Variants in LDLRAD4 observed in about 807,000 individuals in gnomAD.
LDLRAD4 encodes low-density lipoprotein receptor class A domain-containing protein 4.
In LDLRAD4, 5 loss-of-function variants were observed where a neutral mutation model predicts 17.0. The ratio of observed to expected loss-of-function variants is 0.29; its 90% CI spans 0.15 to 0.62. The LOEUF is 0.62. Among genes scored for constraint, LDLRAD4 ranks in the 20% least tolerant of loss-of-function variants. The probability of loss-of-function intolerance (pLI) is 0.84; values close to 1 mark genes in which losing one functional copy is unlikely to be tolerated. For missense variants in LDLRAD4, 340 were observed against 424.7 expected, an observed-to-expected ratio of 0.80 and a Z score of 1.75; for synonymous variants, 168 against 171.8, an observed-to-expected ratio of 0.98 and a Z score of 0.17.
chr18:13,345,580 G>T (rs1054355808), intron 1 of LDLRAD4, among the ~76,000 whole-genome samples: 5 of 152,196 alleles, frequency 3.3e-5, no homozygotes, highest in Admixed American at 3.3e-4. Flanking sequence ...TTGGTATCAG[G>T]ATGATGCTGG....
At chr18:13,303,537 G>A (rs1233352334) in intron 1 of LDLRAD4, among the ~76,000 whole-genome samples, 1 of 151,594 alleles carries the variant, frequency 6.6e-6, no homozygotes, top group African/African-American at 2.4e-5. Flanking sequence ...TCGTTATGTT[G>A]CCTGGGCTGG....
At chr18:13,336,799 C>T (rs1255283368) in intron 1 of LDLRAD4, among the ~76,000 whole-genome samples, 1 of 151,472 alleles carries the variant, frequency 6.6e-6, no homozygotes, top group Non-Finnish European at 1.5e-5. Context: ...TGTCTTCCTC[C>T]CCCTCTCTCT....
intron 1 of LDLRAD4, among the ~76,000 whole-genome samples, chr18:13,266,682 G>A (rs948611015): frequency 3.3e-5 from 5 of 152,258 alleles, no homozygotes; most frequent in Non-Finnish European, 5.9e-5. Context: ...TGGCTTCTCC[G>A]TGGAGGAGAG....
chr18:13,636,591 G>T lies in LDLRAD4; in HGVS notation c.337-6768G>T, dbSNP rs541982459. Among the ~76,000 whole-genome samples the T allele has an allele frequency of 3.9e-3, 588 of 152,266 alleles. 2 individuals carry two copies. Among genetic ancestry groups the T allele is most frequent in the Non-Finnish European group, 6.0e-3 (408 of 68,012 alleles). On this transcript the variant is annotated intron_variant, in intron 4 of 5. Transcript: ENST00000359446. ...GCTCACTACAACCTCGGCCTCCCAG[G>T]TTCAAACAATTCTCCTGCCTCAGCC... is the stretch of plus-strand genomic sequence containing the variant.
At chr18:13,223,553 C>T (rs1197037467) in intron 1 of LDLRAD4, among the ~76,000 whole-genome samples, 1 of 152,200 alleles carries the variant, frequency 6.6e-6, no homozygotes, top group East Asian at 1.9e-4. Context: ...GGCCAGCAAC[C>T]TGTGCACAGA....
At chr18:13,226,180 C>CTTTTTTTTT (rs71174166) in intron 1 of LDLRAD4, among the ~76,000 whole-genome samples, 19,744 of 51,320 alleles carry the variant, frequency 0.38, 7,504 homozygotes, top group Non-Finnish European at 0.47. Flanking sequence ...CCATGCCTTG[C>CTTTTTTTTT]TTTTTTTTTT....
At chr18:13,498,752 C>A (rs1269254713) in intron 3 of LDLRAD4, among the ~76,000 whole-genome samples, 2 of 151,000 alleles carry the variant, frequency 1.3e-5, no homozygotes, top group African/African-American at 4.9e-5. Context: ...TCCTTCTGCC[C>A]ACACACATCC....
At chr18:13,610,780 G>C (rs1164645918) in intron 3 of LDLRAD4, among the ~76,000 whole-genome samples, 1 of 152,160 alleles carries the variant, frequency 6.6e-6, no homozygotes, top group Non-Finnish European at 1.5e-5. Context: ...AGTGGCTGCA[G>C]CTTCTAATTC....
chr18:13,542,738 T>C (rs2094303459), intron 3 of LDLRAD4, among the ~76,000 whole-genome samples: 1 of 152,206 alleles, frequency 6.6e-6, no homozygotes, highest in African/African-American at 2.4e-5. Flanking sequence ...GTTTTTCTTT[T>C]GGGTCCTTGG....
intron 3 of LDLRAD4, among the ~76,000 whole-genome samples, chr18:13,541,281 C>T (rs9954507): frequency 0.051 from 7,782 of 152,274 alleles, 652 homozygotes; most frequent in African/African-American, 0.18. Flanking sequence ...AATGCGTGGT[C>T]CACTTTAAGT....
intron 1 of LDLRAD4, among the ~76,000 whole-genome samples, chr18:13,386,492 C>T (rs926448916): frequency 6.6e-6 from 1 of 151,966 alleles, no homozygotes; most frequent in African/African-American, 2.4e-5. Flanking sequence ...CTCAGCCTCC[C>T]GAGTAGCTGG....
In LDLRAD4 at chr18:13,510,652, T is replaced by C. The variant is rs575102069; in HGVS notation, c.181+72268T>C. On this transcript the variant is annotated intron_variant, in intron 3 of 5. Transcript: ENST00000359446. ...CCACCCAAGTGATTAAAACCACTTA[T>C]ACCCCAAAAGTATTGAAATAAAAAA... 2.0e-5 allele frequency among the ~76,000 whole-genome samples: 3 copies of C among 152,282 alleles called. No homozygotes were observed. In the South Asian group the frequency reaches 6.2e-4, roughly 32 times the overall value.
chr18:13,260,303 C>A (rs1353904998), intron 1 of LDLRAD4, among the ~76,000 whole-genome samples: 7 of 152,238 alleles, frequency 4.6e-5, no homozygotes, highest in Non-Finnish European at 1.0e-4. Context: ...TTCCCTTCCA[C>A]TCACTGCTGG....
chr18:13,255,197 C>T (rs527741529), intron 1 of LDLRAD4, among the ~76,000 whole-genome samples: 2 of 152,328 alleles, frequency 1.3e-5, no homozygotes, highest in African/African-American at 2.4e-5. Context: ...GATGCCCGCC[C>T]CCCCCAGCCC....
chr18:13,230,153 C>G (rs777495049), intron 1 of LDLRAD4, among the ~76,000 whole-genome samples: 2 of 152,172 alleles, frequency 1.3e-5, no homozygotes, highest in Non-Finnish European at 2.9e-5. Context: ...TTCCACCACT[C>G]GAGGACTCAC....
intron 3 of LDLRAD4, among the ~76,000 whole-genome samples, chr18:13,587,841 G>T (rs976053073): frequency 2.0e-5 from 3 of 152,318 alleles, no homozygotes; most frequent in East Asian, 1.9e-4. Context: ...TCTACAAAAA[G>T]GGGGGAGGTC....
intron 3 of LDLRAD4, among the ~76,000 whole-genome samples, chr18:13,445,248 T>G (rs2091305783): frequency 6.6e-6 from 1 of 152,162 alleles, no homozygotes; most frequent in South Asian, 2.1e-4. Flanking sequence ...GGTGTGAGTC[T>G]GTGTGTGTAT....
chr18:13,299,054 A>T (rs1158169873), intron 1 of LDLRAD4, among the ~76,000 whole-genome samples: 2 of 152,250 alleles, frequency 1.3e-5, no homozygotes, highest in African/African-American at 2.4e-5. Context: ...TAACAAAAAA[A>T]GGAAGAGGTG....
At chr18:13,568,070 G>A (rs1319803451) in intron 3 of LDLRAD4, among the ~76,000 whole-genome samples, 1 of 151,698 alleles carries the variant, frequency 6.6e-6, no homozygotes, top group Non-Finnish European at 1.5e-5. Context: ...GGGGGTGGGG[G>A]GATCACCTGA....
Sources: allele counts gnomAD v4.1 joint callset (sites outside exome capture counted in the v4.1 genomes callset), GRCh38; gene constraint gnomAD v4.1.1; transcripts MANE v1.5; gene names NCBI Gene and HGNC (gene_info 2026-07-23, HGNC 2026-07-21).